The following UTP4 variants were observed in gnomAD, a reference collection of about 807,000 sequenced individuals.
UTP4 encodes UTP4 small subunit processome component, also known as U3 small nucleolar RNA-associated protein 4 homolog.
UTP4 carries 45 observed loss-of-function variants against 82.4 expected under a neutral mutation model. The observed-to-expected ratio is 0.55, with a 90% confidence interval of 0.43 to 0.70. The LOEUF is 0.70. UTP4 is among the 30% of genes least tolerant of loss of function. The pLI is 0.00. For missense variants in UTP4, 819 were observed against 858.3 expected, an observed-to-expected ratio of 0.95 and a Z score of 0.57; for synonymous variants, 348 against 300.3, an observed-to-expected ratio of 1.16 and a Z score of -1.64.
chr16:69,159,855 G>T (rs1436110153), intron 12 of UTP4, among the ~76,000 whole-genome samples: 3 of 152,074 alleles, frequency 2.0e-5, no homozygotes, highest in Admixed American at 6.6e-5. Context: ...AGGCATGGTG[G>T]TGGGTGCCTG....
chr16:69,137,768 A>G (rs1195943771), intron 3 of UTP4, 33 bp from the exon 4 acceptor site: 1 of 1,296,322 alleles, frequency 7.7e-7, no homozygotes, highest in Non-Finnish European at 1.1e-6. Context: ...TTTACTATTG[A>G]TTTTTTCTGT....
chr16:69,138,158 C>G (rs367918318), intron 4 of UTP4: 11 of 456,206 alleles, frequency 2.4e-5, no homozygotes, highest in Non-Finnish European at 4.3e-5. Context: ...TTATCACTTA[C>G]TTTTGTGATG....
At chr16:69,162,714 A>G (rs1246595347) in intron 13 of UTP4, among the ~76,000 whole-genome samples, 2 of 148,802 alleles carry the variant, frequency 1.3e-5, no homozygotes, top group Admixed American at 6.7e-5. Flanking sequence ...TCCATCTCAA[A>G]AAAAAAAAAA....
chr16:69,161,076 T>A (rs1963551680), intron 13 of UTP4, among the ~76,000 whole-genome samples: 1 of 152,230 alleles, frequency 6.6e-6, no homozygotes, highest in South Asian at 2.1e-4. Flanking sequence ...AGGTTCTTTC[T>A]GTATTTTCGG....
chr16:69,160,969 A>C (rs547366329), intron 13 of UTP4, among the ~76,000 whole-genome samples: 1 of 152,280 alleles, frequency 6.6e-6, no homozygotes, highest in East Asian at 1.9e-4. Context: ...CCCGGAAGCT[A>C]TACTGTGTAA....
chr16:69,137,923 A>G (rs746904135), intron 4 of UTP4, 38 bp downstream of exon 4: 1 of 1,263,982 alleles, frequency 7.9e-7, no homozygotes, highest in South Asian at 1.2e-5. Flanking sequence ...AATAGCCTTA[A>G]CAAGAAATTA....
chr16:69,155,747 T>C (rs1963392500), intron 10 of UTP4, 124 bp from the exon 11 acceptor site: 2 of 1,016,324 alleles, frequency 2.0e-6, no homozygotes, highest in Non-Finnish European at 3.1e-6. Flanking sequence ...CACACGAGGA[T>C]CGAGATTATG....
chr16:69,152,464 C>CTTTTTTTTTTTTTT (rs58914042), intron 8 of UTP4, among the ~76,000 whole-genome samples: 10 of 107,146 alleles, frequency 9.3e-5, no homozygotes, highest in African/African-American at 3.4e-4. Context: ...TTCTGTTTTT[C>CTTTTTTTTTTTTTT]TTTTTTTTTT....
At chr16:69,139,683 TA>T (rs1334306915) in intron 4 of UTP4, 141 bp from the exon 5 acceptor site, 2 of 346,810 alleles carry the variant, frequency 5.8e-6, no homozygotes. Context: ...AATAAATAAA[TA>T]AAATGGTGCT....
intron 6 of UTP4, among the ~76,000 whole-genome samples, chr16:69,146,966 C>T (rs1383962205): frequency 7.0e-6 from 1 of 143,686 alleles, no homozygotes; most frequent in East Asian, 2.0e-4. Context: ...CGCGCCACTG[C>T]ACTCCAGCCT....
intron 12 of UTP4, among the ~76,000 whole-genome samples, chr16:69,158,876 C>T (rs914476518): frequency 6.6e-6 from 1 of 152,132 alleles, no homozygotes; most frequent in Admixed American, 6.6e-5. Context: ...TGGCATAGAG[C>T]ATCACTGTCC....
chr16:69,137,651 C>T (rs568534544), intron 3 of UTP4, 150 bp from the exon 4 acceptor site: 2 of 634,668 alleles, frequency 3.2e-6, no homozygotes, highest in Non-Finnish European at 5.6e-6. Context: ...TACTTTCTCT[C>T]ACAAATGATT....
At chr16:69,144,858 T>C (rs1320218056) in intron 6 of UTP4, among the ~76,000 whole-genome samples, 1 of 152,194 alleles carries the variant, frequency 6.6e-6, no homozygotes, top group East Asian at 1.9e-4. Context: ...GAGTTAATTA[T>C]TGGCCGGGCA....
chr16:69,165,199 A>G (rs1963671914), intron 14 of UTP4, 142 bp from the exon 15 acceptor site: 2 of 730,010 alleles, frequency 2.7e-6, no homozygotes, highest in Non-Finnish European at 4.5e-6. Context: ...CATCTCAAAA[A>G]AAAAAAAAAG....
chr16:69,139,794 C>A (rs113615075), intron 4 of UTP4, 31 bp from the exon 5 acceptor site: 3 of 1,453,762 alleles, frequency 2.1e-6, no homozygotes, highest in African/African-American at 1.4e-5. Flanking sequence ...ATGTGTATGT[C>A]ACTTTCTTTT....
chr16:69,148,216 C>T lies in UTP4; in HGVS notation c.739-2321C>T, dbSNP rs1368153945. On this transcript the variant is annotated intron_variant, in intron 6 of 16. Transcript: ENST00000314423. ...GACCTTGTGATCTGCCCGCCTCGGC[C>T]TCCCAAAGTGCTGGAATTACAGGCG... is the stretch of plus-strand genomic sequence containing the variant. Among the ~76,000 whole-genome samples the T allele has an allele frequency of 2.0e-5, 3 of 151,620 alleles. No individual in the cohort carries two copies. In the East Asian group the frequency reaches 5.8e-4, roughly 29 times the overall value.
chr16:69,162,952 T>C, intron 13 of UTP4, 131 bp from the exon 14 acceptor site: 1 of 767,266 alleles, frequency 1.3e-6, no homozygotes, highest in Non-Finnish European at 2.4e-6. Context: ...ATGCCTGAAA[T>C]TTTTGGAACT....
chr16:69,139,890 A>G lies in UTP4; in HGVS notation c.502A>G (p.Ile168Val), dbSNP rs369790028. Residue 168 changes from isoleucine to valine, a missense_variant, in exon 5 of 17, where the codon ATT becomes GTT. Transcript: ENST00000314423. ...CATTGCAGCTGGTTCCATAGACTACATTAGTGTGTTTGATGTCAAATCAGG... is the reference window on the plus strand; with the variant it reads ...CATTGCAGCTGGTTCCATAGACTACGTTAGTGTGTTTGATGTCAAATCAGG... ...THIAAGSIDY[I>V]SVFDVKSGSA... 3.1e-6 allele frequency: 5 copies of G among 1,613,228 alleles called. No individual in the cohort carries two copies. The highest frequency in any genetic ancestry group is 2.2e-5 in the East Asian group (1 of 44,886).
chr16:69,138,991 T>TG (rs1742794760), intron 4 of UTP4: 1 of 143,570 alleles, frequency 7.0e-6, no homozygotes, highest in African/African-American at 2.6e-5. Context: ...TTTCCTGAGA[T>TG]GGAGTCTTGC....
Sources: allele counts gnomAD v4.1 joint callset (sites outside exome capture counted in the v4.1 genomes callset), GRCh38; gene constraint gnomAD v4.1.1; transcripts MANE v1.5; gene names NCBI Gene and HGNC (gene_info 2026-07-23, HGNC 2026-07-21).